CHD6: variants seen among roughly 807,000 people sequenced by gnomAD.
CHD6 encodes chromodomain helicase DNA binding protein 6, also known as ATP-dependent chromatin remodeler CHD6.
CHD6 carries 50 observed loss-of-function variants against 276.9 expected under a neutral mutation model. The observed-to-expected ratio is 0.18, with a 90% CI of 0.14 to 0.23. CHD6 has a LOEUF of 0.23. Ranked by LOEUF, CHD6 falls within the 10% of genes least tolerant of loss-of-function variation. The pLI is 1.00. For synonymous variants in CHD6, 1,173 were observed against 1,229.3 expected, an observed-to-expected ratio of 0.95 and a Z score of 0.96; for missense variants, 2,564 against 3,365.8, an observed-to-expected ratio of 0.76 and a Z score of 5.89.
chr20:41,527,086 C>T (rs777416459), intron 3 of CHD6, among the ~76,000 whole-genome samples: 36 of 152,174 alleles, frequency 2.4e-4, no homozygotes, highest in Admixed American at 3.3e-4. Context: ...AATTCCAAAG[C>T]TCATCCTCTG....
intron 27 of CHD6, among the ~76,000 whole-genome samples, chr20:41,431,779 T>A (rs1472931256): frequency 6.8e-6 from 1 of 147,898 alleles, no homozygotes; most frequent in Non-Finnish European, 1.5e-5. Flanking sequence ...AAACATGCTT[T>A]TTTTTTTTTT....
chr20:41,470,309 C>G (rs541480508), intron 17 of CHD6, among the ~76,000 whole-genome samples: 11 of 151,806 alleles, frequency 7.2e-5, no homozygotes, highest in African/African-American at 2.4e-4. Flanking sequence ...TAAAACTGCT[C>G]TACATTTCTC....
chr20:41,605,367 G>A (rs949760474), intron 1 of CHD6, among the ~76,000 whole-genome samples: 3 of 152,096 alleles, frequency 2.0e-5, no homozygotes, highest in African/African-American at 7.2e-5. Context: ...AGAACAAAGA[G>A]TTGACTCAAA....
At chr20:41,555,293 CT>C (rs1321343841) in intron 1 of CHD6, among the ~76,000 whole-genome samples, 5 of 106,668 alleles carry the variant, frequency 4.7e-5, no homozygotes, top group Admixed American at 8.8e-5. Context: ...GGCTCCTCAC[CT>C]CCCAGTAGGG....
intron 3 of CHD6, among the ~76,000 whole-genome samples, chr20:41,519,759 C>T (rs556790684): frequency 6.6e-6 from 1 of 152,242 alleles, no homozygotes; most frequent in East Asian, 1.9e-4. Flanking sequence ...AGGACACAGG[C>T]ATGGGCAAGG....
intron 1 of CHD6, among the ~76,000 whole-genome samples, chr20:41,585,553 C>T (rs2045586182): frequency 6.6e-6 from 1 of 151,368 alleles, no homozygotes; most frequent in African/African-American, 2.4e-5. Context: ...TTTGAACAGT[C>T]CTTTACCTAT....
intron 3 of CHD6, among the ~76,000 whole-genome samples, chr20:41,518,377 A>G (rs1355106369): frequency 1.3e-5 from 2 of 152,198 alleles, no homozygotes; most frequent in Non-Finnish European, 2.9e-5. Context: ...AATCATAACT[A>G]AGGAATAGAA....
At chr20:41,550,941 T>C (rs1047051086) in intron 2 of CHD6, among the ~76,000 whole-genome samples, 2 of 152,214 alleles carry the variant, frequency 1.3e-5, no homozygotes, top group African/African-American at 4.8e-5. Context: ...AAGAATGCTT[T>C]TAGTTTAACC....
chr20:41,510,621 T>C (rs1270554472), intron 5 of CHD6, among the ~76,000 whole-genome samples: 1 of 152,234 alleles, frequency 6.6e-6, no homozygotes, highest in African/African-American at 2.4e-5. Flanking sequence ...CAAAAGAGTC[T>C]TAATAAGATA....
chr20:41,447,992 A>G (rs780728028), intron 23 of CHD6, 21 bp from the exon 24 acceptor site: 8 of 1,457,932 alleles, frequency 5.5e-6, no homozygotes, highest in Non-Finnish European at 6.7e-6. Context: ...TGAACACATT[A>G]ATGCAAACAA....
intron 17 of CHD6, among the ~76,000 whole-genome samples, chr20:41,460,088 A>G (rs998397511): frequency 1.3e-5 from 2 of 152,234 alleles, no homozygotes; most frequent in African/African-American, 4.8e-5. Flanking sequence ...CAATGAGACC[A>G]GTGGCATTTG....
intron 1 of CHD6, among the ~76,000 whole-genome samples, chr20:41,612,591 G>GAGCTATAATAAAGT (rs2045897356): frequency 6.6e-6 from 1 of 152,138 alleles, no homozygotes; most frequent in Non-Finnish European, 1.5e-5. Flanking sequence ...AATACACAAT[G>GAGCTATAATAAAGT]AGCTATAATA....
At position 41,403,960 on chromosome 20, in the gene CHD6, T is replaced by A. The variant is rs1407913378; in HGVS notation, c.*633A>T. The A allele has an allele frequency of 9.5e-7, 1 of 1,054,022 alleles. No individual in the cohort carries two copies. The highest frequency in any genetic ancestry group is 5.4e-5 in the East Asian group (1 of 18,672). 65.3% of individuals were successfully genotyped at this position (1,054,022 alleles called of 1,614,324 possible). ...AGTCAGTATTTCTTCTTGCTGCAGG[T>A]GTCTGAAAAACCACCAAGGGGGAAA... On this transcript the variant is annotated 3_prime_UTR_variant, in exon 37 of 37. Transcript: ENST00000373233.
intron 1 of CHD6, among the ~76,000 whole-genome samples, chr20:41,582,493 C>T (rs577024949): frequency 1.3e-5 from 2 of 152,250 alleles, no homozygotes; most frequent in South Asian, 4.2e-4. Context: ...CCTGCAAACC[C>T]CAATACCAAT....
chr20:41,474,125 G>C (rs1377124811), intron 16 of CHD6, among the ~76,000 whole-genome samples: 1 of 152,162 alleles, frequency 6.6e-6, no homozygotes, highest in Non-Finnish European at 1.5e-5. Context: ...ACATTGCCAA[G>C]CATAAATCAC....
chr20:41,557,720 T>C (rs953498266), intron 1 of CHD6, among the ~76,000 whole-genome samples: 1 of 152,194 alleles, frequency 6.6e-6, no homozygotes, highest in Non-Finnish European at 1.5e-5. Context: ...TCACAGAAGA[T>C]GAGAGTAGAC....
intron 1 of CHD6, among the ~76,000 whole-genome samples, chr20:41,597,511 A>C (rs538648188): frequency 4.1e-4 from 63 of 152,216 alleles, no homozygotes; most frequent in Admixed American, 1.1e-3. Context: ...TGTCCTTATC[A>C]GAAGTTGGAA....
Position 41,493,637 on chromosome 20 carries a change from T to C in CHD6, c.1215A>G (p.Leu405=), listed in dbSNP as rs368323651. ...GCTCCCACGTGCTTTCTTCATATGG[T>C]AGTGAGCACCACTTCACCAGGTAAT... The part of the protein sequence containing the change: ...VTHYLVKWCS[L]PYEESTWELE... Residue 405 remains leucine, a synonymous_variant, in exon 10 of 37, where the codon CTA becomes CTG. Transcript: ENST00000373233. 4 of 1,613,718 alleles carry C rather than the reference T, an allele frequency of 2.5e-6. No homozygotes were observed. In the African/African-American group the frequency reaches 4.0e-5, roughly 16 times the overall value.
In CHD6 at chr20:41,591,967, C is replaced by T. The variant is rs550869901; in HGVS notation, c.-24+26373G>A. ...ACAAAAAATTAGCCAGGTGTGGTGGCGTGTGCCTGTAGTCCCAGCTACTCA... is the reference window on the plus strand; with the variant it reads ...ACAAAAAATTAGCCAGGTGTGGTGGTGTGTGCCTGTAGTCCCAGCTACTCA... On this transcript the variant is annotated intron_variant, in intron 1 of 36. Transcript: ENST00000373233. 2.9e-4 allele frequency among the ~76,000 whole-genome samples: 44 copies of T among 152,100 alleles called. No individual in the cohort carries two copies. In the South Asian group the frequency reaches 6.2e-3, roughly 22 times the overall value.
Sources: allele counts gnomAD v4.1 joint callset (sites outside exome capture counted in the v4.1 genomes callset), GRCh38; gene constraint gnomAD v4.1.1; transcripts MANE v1.5; gene names NCBI Gene and HGNC (gene_info 2026-07-23, HGNC 2026-07-21).